RIN2: variants seen among roughly 807,000 people sequenced by gnomAD.
RIN2 encodes RAB5 interacting protein 2.
RIN2 carries 36 observed loss-of-function variants against 78.0 expected under a neutral mutation model. The observed-to-expected ratio is 0.46, with a 90% CI of 0.35 to 0.61. RIN2 has a LOEUF of 0.61. Ranked by LOEUF, RIN2 falls within the 20% of genes least tolerant of loss-of-function variation. The pLI is 0.00. For missense variants in RIN2, 1,087 were observed against 1,159.7 expected (o/e 0.94, Z 0.91); for synonymous variants, 466 against 466.8 (o/e 1.00, Z 0.02).
rs550735676 is a variant in RIN2, at chr20:19,781,489, G to A, written c.-162-18133G>A. Among the ~76,000 whole-genome samples the A allele has an allele frequency of 1.1e-4, 17 of 152,270 alleles. No homozygotes were observed. The South Asian group carries it at 1.2e-3, about 11-fold the overall frequency. On this transcript the variant is annotated intron_variant, in intron 1 of 12. Transcript: ENST00000255006. Reference sequence around the variant, plus strand: ...CTGCGTACCCTTTACCAAGTGACACGATTTCTCTGCTCACTGCAACCCCCG... The same window carrying A: ...CTGCGTACCCTTTACCAAGTGACACAATTTCTCTGCTCACTGCAACCCCCG...
intron 3 of RIN2, among the ~76,000 whole-genome samples, chr20:19,931,894 A>G (rs1406495379): frequency 6.6e-6 from 1 of 152,206 alleles, no homozygotes; most frequent in Non-Finnish European, 1.5e-5. Context: ...TGCAACAAAT[A>G]TTCTTGCAAA....
intron 1 of RIN2, among the ~76,000 whole-genome samples, chr20:19,767,157 G>A (rs1331371464): frequency 6.6e-6 from 1 of 152,154 alleles, no homozygotes; most frequent in Non-Finnish European, 1.5e-5. Flanking sequence ...TTATGTTTAG[G>A]TTCAACAAAT....
chr20:19,809,552 A>G, intron 2 of RIN2: 1 of 152,456 alleles, frequency 6.6e-6, no homozygotes, highest in Admixed American at 6.5e-5. Flanking sequence ...CCTGAGGGGG[A>G]GACTGGAGAA....
chr20:19,916,479 C>G (rs1046828370), intron 3 of RIN2, among the ~76,000 whole-genome samples: 2 of 151,886 alleles, frequency 1.3e-5, no homozygotes, highest in African/African-American at 4.8e-5. Context: ...ATTAGCTGGG[C>G]GTGGTGGCAC....
In RIN2 at chr20:19,894,110, A is replaced by G. The variant is rs530922393; in HGVS notation, c.57+4452A>G. Among the ~76,000 whole-genome samples the G allele has an allele frequency of 9.1e-4, 138 of 152,220 alleles. 3 individuals are homozygous for G. Among genetic ancestry groups the G allele is most frequent in the African/African-American group, 3.3e-3 (135 of 41,532 alleles). ...AACAACAACAAAACACGTGGTGGGG[A>G]GAAGGGGTAACACCCTACACATGGT... On this transcript the variant is annotated intron_variant, in intron 3 of 12. Coordinates refer to ENST00000255006, the MANE Select transcript of RIN2 (RefSeq NM_018993.4).
At chr20:19,934,504 C>T in intron 3 of RIN2, 1 of 985,384 alleles carries the variant, frequency 1.0e-6, no homozygotes, top group Non-Finnish European at 1.2e-6. Context: ...CCCTCCTCCC[C>T]ACTCATCCAC....
chr20:19,949,106 T>G (rs988582907), intron 4 of RIN2, among the ~76,000 whole-genome samples: 2 of 152,126 alleles, frequency 1.3e-5, no homozygotes, highest in African/African-American at 4.8e-5. Context: ...TGGTGAAACC[T>G]CGTCTCTACT....
chr20:19,774,075 T>C (rs2034227789), intron 1 of RIN2, among the ~76,000 whole-genome samples: 1 of 152,084 alleles, frequency 6.6e-6, no homozygotes, highest in African/African-American at 2.4e-5. Context: ...TTATGGGCTG[T>C]CAACCAGCTA....
chr20:19,899,976 A>ATGAGTGAGT (rs2038907173), intron 3 of RIN2, among the ~76,000 whole-genome samples: 1 of 152,170 alleles, frequency 6.6e-6, no homozygotes, highest in Admixed American at 6.5e-5. Context: ...GCAGGGCCAA[A>ATGAGTGAGT]CAGAAATAAA....
intron 5 of RIN2, among the ~76,000 whole-genome samples, chr20:19,960,329 G>T (rs752076082): frequency 1.3e-5 from 2 of 152,150 alleles, no homozygotes; most frequent in African/African-American, 4.8e-5. Flanking sequence ...TAGAATTTAG[G>T]TTTCACCAAC....
At chr20:19,844,645 CTT>C (rs1486732134) in intron 2 of RIN2, among the ~76,000 whole-genome samples, 18 of 127,268 alleles carry the variant, frequency 1.4e-4, no homozygotes, top group South Asian at 5.3e-4. Context: ...TCTTCTTCTT[CTT>C]CTTCTTCTTC....
At chr20:19,981,180 G>A (rs189860040) in intron 9 of RIN2, among the ~76,000 whole-genome samples, 3 of 152,290 alleles carry the variant, frequency 2.0e-5, no homozygotes, top group East Asian at 1.9e-4. Flanking sequence ...ATGCAAGCGC[G>A]ACTGACACGG....
chr20:19,942,123 G>GA (rs2040901255), intron 4 of RIN2, among the ~76,000 whole-genome samples: 1 of 93,408 alleles, frequency 1.1e-5, no homozygotes, highest in African/African-American at 7.7e-5. Flanking sequence ...AAAAAAAAAA[G>GA]AAAGAGAAAG....
chr20:19,767,785 C>T (rs1261497053), intron 1 of RIN2, among the ~76,000 whole-genome samples: 6 of 151,768 alleles, frequency 4.0e-5, no homozygotes, highest in East Asian at 1.9e-4. Flanking sequence ...ATTAGCTGGG[C>T]GTGGTGGCAG....
chr20:19,840,102 C>A (rs777129247), intron 2 of RIN2, among the ~76,000 whole-genome samples: 4 of 152,206 alleles, frequency 2.6e-5, no homozygotes, highest in Non-Finnish European at 4.4e-5. Context: ...GTATTCCCTA[C>A]AATGAGTAGT....
intron 2 of RIN2, among the ~76,000 whole-genome samples, chr20:19,833,027 C>T (rs1047012772): frequency 2.6e-5 from 4 of 152,110 alleles, no homozygotes; most frequent in African/African-American, 4.8e-5. Flanking sequence ...ACTCCTAAGC[C>T]GGATTACCCT....
intron 2 of RIN2, among the ~76,000 whole-genome samples, chr20:19,842,972 T>C (rs1337544667): frequency 1.3e-5 from 2 of 152,084 alleles, no homozygotes; most frequent in Admixed American, 1.3e-4. Flanking sequence ...CCAACTCTCA[T>C]GAATGATTTT....
chr20:19,796,198 T>C (rs2035050977), intron 1 of RIN2, among the ~76,000 whole-genome samples: 2 of 152,228 alleles, frequency 1.3e-5, no homozygotes. Flanking sequence ...TTTTGTAAAA[T>C]GAAGGATTTG....
At chr20:19,938,042 T>A (rs2040718076) in intron 4 of RIN2, among the ~76,000 whole-genome samples, 1 of 152,190 alleles carries the variant, frequency 6.6e-6, no homozygotes, top group South Asian at 2.1e-4. Context: ...TGCCCTCCTT[T>A]TTGGGACATT....
Sources: gnomAD v4.1 joint callset for allele counts (sites outside exome capture counted in the v4.1 genomes callset) on GRCh38, gnomAD v4.1.1 for gene constraint, MANE v1.5 for transcripts, NCBI Gene and HGNC (gene_info 2026-07-23, HGNC 2026-07-21) for gene names.